The following OR1J2 variants were observed in gnomAD, a reference collection of about 807,000 sequenced individuals.
OR1J2 encodes olfactory receptor family 1 subfamily J member 2.
For missense variants in OR1J2, 304 were observed against 246.1 expected, an observed-to-expected ratio of 1.24 and a Z score of -1.57; for synonymous variants, 142 against 99.7, an observed-to-expected ratio of 1.42 and a Z score of -2.52.
chr9:122,526,853 C>G, the OR1J2 span: 1 of 1,614,094 alleles, frequency 6.2e-7, no homozygotes, highest in Non-Finnish European at 8.5e-7. Context: ...TGGTGAGGAC[C>G]CAGCACAATG....
the OR1J2 span, among the ~76,000 whole-genome samples, chr9:122,531,326 A>G: frequency 6.6e-6 from 1 of 152,346 alleles, no homozygotes. Flanking sequence ...TGGGGATAGC[A>G]CCAGGAGATA....
At chr9:122,449,546 T>C in the OR1J2 span, among the ~76,000 whole-genome samples, 1 of 151,872 alleles carries the variant, frequency 6.6e-6, no homozygotes, top group African/African-American at 2.4e-5. Flanking sequence ...ATTTTTTGTA[T>C]TTTTAGTAGA....
the OR1J2 span, among the ~76,000 whole-genome samples, chr9:122,494,410 A>G: frequency 2.6e-5 from 4 of 152,204 alleles, no homozygotes; most frequent in African/African-American, 9.6e-5. Context: ...TTCTTGTTGG[A>G]CTAGTCCCTT....
chr9:122,548,029 C>A, the OR1J2 span, among the ~76,000 whole-genome samples: 1 of 152,238 alleles, frequency 6.6e-6, no homozygotes, highest in African/African-American at 2.4e-5. Flanking sequence ...ATTTTCATTT[C>A]TCTGATGGTT....
chr9:122,506,465 G>A (rs1828524604), upstream of OR1J2, among the ~76,000 whole-genome samples: 1 of 152,104 alleles, frequency 6.6e-6, no homozygotes, highest in South Asian at 2.1e-4. Flanking sequence ...GCTGTAAACA[G>A]GAATGAGTTT....
downstream of OR1J2, among the ~76,000 whole-genome samples, chr9:122,511,922 T>C (rs970813769): frequency 6.6e-6 from 1 of 152,222 alleles, no homozygotes; most frequent in Non-Finnish European, 1.5e-5. Context: ...ACAATGTTAT[T>C]CTTTATAGTT....
chr9:122,533,858 G>C, the OR1J2 span, among the ~76,000 whole-genome samples: 1 of 152,158 alleles, frequency 6.6e-6, no homozygotes, highest in Non-Finnish European at 1.5e-5. Flanking sequence ...GTCTGTGATG[G>C]TCTACAGGGC....
the OR1J2 span, among the ~76,000 whole-genome samples, chr9:122,528,615 A>C: frequency 6.6e-6 from 1 of 152,184 alleles, no homozygotes; most frequent in South Asian, 2.1e-4. Context: ...TAAATAAATA[A>C]AGATAAAAAT....
upstream of OR1J2, among the ~76,000 whole-genome samples, chr9:122,508,721 G>A (rs1007175061): frequency 6.6e-6 from 1 of 152,256 alleles, no homozygotes; most frequent in African/African-American, 2.4e-5. Flanking sequence ...CAGAATATTT[G>A]GATATACCTG....
At chr9:122,462,937 T>C in the OR1J2 span, among the ~76,000 whole-genome samples, 1 of 152,198 alleles carries the variant, frequency 6.6e-6, no homozygotes, top group Non-Finnish European at 1.5e-5. Flanking sequence ...TTCCCAGTGT[T>C]CTTTGAGCTT....
chr9:122,494,154 T>C, the OR1J2 span, among the ~76,000 whole-genome samples: 1 of 152,180 alleles, frequency 6.6e-6, no homozygotes, highest in Admixed American at 6.5e-5. Flanking sequence ...GTGTATATCC[T>C]GAAGTTGTTG....
chr9:122,527,445 A>C, the OR1J2 span: 3 of 602,634 alleles, frequency 5.0e-6, no homozygotes, highest in East Asian at 8.3e-5. Flanking sequence ...TTCTCTCTTC[A>C]TCAGAGTCTC....
chr9:122,530,685 C>T, the OR1J2 span, among the ~76,000 whole-genome samples: 2 of 152,036 alleles, frequency 1.3e-5, no homozygotes, highest in African/African-American at 2.4e-5. Context: ...TGGGTGCAGG[C>T]GGGCTGAGTC....
At chr9:122,553,084 T>G in the OR1J2 span, 1 of 881,744 alleles carries the variant, frequency 1.1e-6, no homozygotes, top group Non-Finnish European at 1.7e-6. Flanking sequence ...CAAAGACCAT[T>G]TATTTTTCTT....
chr9:122,485,389 A>T, the OR1J2 span, among the ~76,000 whole-genome samples: 2 of 152,196 alleles, frequency 1.3e-5, no homozygotes, highest in Non-Finnish European at 2.9e-5. Flanking sequence ...CTTGACCCCC[A>T]CATCTTCATA....
chr9:122,546,833 C>T, the OR1J2 span, among the ~76,000 whole-genome samples: 1 of 152,012 alleles, frequency 6.6e-6, no homozygotes, highest in South Asian at 2.1e-4. Flanking sequence ...TTTTAATGGA[C>T]AAATAATAAT....
At chr9:122,477,755 G>C in the OR1J2 span, 1 of 1,614,126 alleles carries the variant, frequency 6.2e-7, no homozygotes, top group Non-Finnish European at 8.5e-7. Context: ...AAGTACATGG[G>C]GGTGTGAAGG....
the OR1J2 span, chr9:122,519,527 C>G: frequency 2.5e-6 from 4 of 1,614,070 alleles, no homozygotes; most frequent in African/African-American, 2.7e-5. Flanking sequence ...TCTGTCACCC[C>G]CTCCGCTACA....
the OR1J2 span, among the ~76,000 whole-genome samples, chr9:122,470,069 T>C: frequency 6.6e-6 from 1 of 152,234 alleles, no homozygotes; most frequent in African/African-American, 2.4e-5. Context: ...TCAAGCTGGC[T>C]GCAGATACTT....
Sources: gnomAD v4.1 joint callset for allele counts (sites outside exome capture counted in the v4.1 genomes callset) on GRCh38, gnomAD v4.1.1 for gene constraint, MANE v1.5 for transcripts, NCBI Gene and HGNC (gene_info 2026-07-23, HGNC 2026-07-21) for gene names.